The following SSH1 variants were observed in gnomAD, a reference collection of about 807,000 sequenced individuals.
SSH1 encodes the protein slingshot protein phosphatase 1, also known as protein phosphatase Slingshot homolog 1.
A neutral mutation model predicts 79.7 loss-of-function variants in SSH1; 43 were observed. The observed-to-expected ratio is 0.54, with a 90% CI of 0.42 to 0.70. The LOEUF is 0.70. Among genes scored for constraint, SSH1 ranks in the 30% least tolerant of loss-of-function variants. The pLI, the probability that SSH1 is intolerant of heterozygous loss-of-function variation, is 0.00. For missense variants in SSH1, 1,206 were observed against 1,358.8 expected (o/e 0.89, Z 1.77); for synonymous variants, 599 against 538.3 (o/e 1.11, Z -1.56).
intron 2 of SSH1, among the ~76,000 whole-genome samples, chr12:108,829,660 T>C (rs1472530182): frequency 6.6e-6 from 1 of 152,178 alleles, no homozygotes; most frequent in Non-Finnish European, 1.5e-5. Flanking sequence ...CATCACAGTA[T>C]GGAATATCCA....
rs770005190 is a variant in SSH1 at position 108,788,137 on chromosome 12, C to T, written c.3001G>A (p.Val1001Ile). The T allele has an allele frequency of 6.2e-6, 10 of 1,613,880 alleles. No individual in the cohort carries two copies. The highest frequency in any genetic ancestry group is 2.2e-5 in the East Asian group (1 of 44,878). ...AAAGTGGTGTCCTGGGAGTCAGCGA[C>T]GGTGGACGGGTCAGCCTCACTGGAC... Reference protein sequence around the residue: ...DLSSEADPSTVADSQDTTLSE... With the variant: ...DLSSEADPSTIADSQDTTLSE... Residue 1001 changes from valine to isoleucine, a missense_variant, in exon 15 of 15, where the codon GTC (valine) becomes ATC (isoleucine). Physicochemically the swap from Val to Ile is conservative, Grantham distance 29. Coordinates refer to ENST00000326495, the MANE Select transcript of SSH1 (RefSeq NM_018984.4).
chr12:108,810,006 C>T (rs1310201145), intron 6 of SSH1, among the ~76,000 whole-genome samples: 2 of 152,134 alleles, frequency 1.3e-5, no homozygotes, highest in Non-Finnish European at 2.9e-5. Context: ...AACTGAAACC[C>T]TAGCAAAGGG....
chr12:108,809,547 A>G (rs1039377473), intron 7 of SSH1, 146 bp downstream of exon 7: 6 of 749,508 alleles, frequency 8.0e-6, no homozygotes, highest in African/African-American at 1.7e-5. Flanking sequence ...TATGGTGAAA[A>G]TGATAAACTT....
At chr12:108,816,989 C>T in intron 5 of SSH1, 49 bp downstream of exon 5, 2 of 1,611,228 alleles carry the variant, frequency 1.2e-6, no homozygotes, top group Non-Finnish European at 1.7e-6. Flanking sequence ...TGTCCAGCAG[C>T]AACTCTTGCC....
rs762256257 is a variant in SSH1, at chr12:108,788,356, T to C, written c.2782A>G (p.Met928Val). The C allele has an allele frequency of 1.2e-6, 2 of 1,613,066 alleles. No homozygotes were observed. The highest frequency in any genetic ancestry group is 1.7e-6 in the Non-Finnish European group (2 of 1,179,948). Residue 928 changes from methionine to valine, a missense_variant, in exon 15 of 15, where the codon ATG becomes GTG. By Grantham distance (21) the Met-to-Val change is conservative. Coordinates refer to ENST00000326495, the MANE Select transcript of SSH1 (RefSeq NM_018984.4). ...GAGCTCCGGGTCAGGTTGGAGCTCATGGAAGAGGAGGTGGGGGTGTAGCAG... is the reference window on the plus strand; with the variant it reads ...GAGCTCCGGGTCAGGTTGGAGCTCACGGAAGAGGAGGTGGGGGTGTAGCAG... ...TICYTPTSSS[M>V]SSNLTRSSSS...
Position 108,807,391 on chromosome 12 carries a change from G to A in SSH1, c.731+242C>T, listed in dbSNP as rs1388966650. Among the ~76,000 whole-genome samples, 20 of 151,376 alleles carry A rather than the reference G, an allele frequency of 1.3e-4. No individual in the cohort carries two copies. Among genetic ancestry groups the A allele is most frequent in the Non-Finnish European group, 5.9e-5 (4 of 67,924 alleles). ...ATGGGAGTTACGGACCCCGTCCCCA[G>A]AAATGCATTCACCAAATTCATCAGT... On this transcript the variant is annotated intron_variant, in intron 8 of 14. Coordinates refer to ENST00000326495, the MANE Select transcript of SSH1 (RefSeq NM_018984.4). The surrounding 1 kb of genome is among the most constrained non-coding windows in gnomAD (Gnocchi z 5.2).
At chr12:108,793,092 G>A (rs909526509) in intron 13 of SSH1, among the ~76,000 whole-genome samples, 4 of 152,220 alleles carry the variant, frequency 2.6e-5, no homozygotes, top group Non-Finnish European at 4.4e-5. Flanking sequence ...GGGAAGGAAC[G>A]CGGGGGCGTC....
intron 2 of SSH1, among the ~76,000 whole-genome samples, chr12:108,830,083 GGAGACA>G (rs1418571263): frequency 6.6e-6 from 1 of 152,112 alleles, no homozygotes; most frequent in Non-Finnish European, 1.5e-5. Context: ...CTCCAACCTG[GGAGACA>G]GATCTTGTCT....
At chr12:108,810,766 T>C (rs2037544188) in intron 6 of SSH1, among the ~76,000 whole-genome samples, 2 of 152,204 alleles carry the variant, frequency 1.3e-5, no homozygotes, top group Non-Finnish European at 2.9e-5. Context: ...AGACGGCCCC[T>C]CATCCCCCGA....
chr12:108,846,098 CA>C (rs754183278), intron 2 of SSH1, among the ~76,000 whole-genome samples: 4 of 152,002 alleles, frequency 2.6e-5, no homozygotes, highest in Non-Finnish European at 5.9e-5. Flanking sequence ...AAGTGGAGAC[CA>C]AAAGGGGAAG....
chr12:108,811,328 ACT>A lies in SSH1; in HGVS notation c.402-2_402-1del. 1.2e-6 allele frequency: 2 copies of A among 1,614,150 alleles called. No homozygotes were observed. Among genetic ancestry groups the A allele is most frequent in the Non-Finnish European group, 1.7e-6 (2 of 1,180,000 alleles). ...GAACCATCCCAATGGTGCAGCTTTTACTGCGATGGGGGAGAGAAGACATGTGG... is the reference window on the plus strand; with the variant it reads ...GAACCATCCCAATGGTGCAGCTTTTAGCGATGGGGGAGAGAAGACATGTGG... On this transcript the variant is annotated splice_acceptor_variant, in intron 5 of 14. Coordinates refer to ENST00000326495, the MANE Select transcript of SSH1 (RefSeq NM_018984.4). LOFTEE classifies it high-confidence loss of function.
chr12:108,853,151 T>C (rs1593139647), intron 1 of SSH1: 4 of 985,306 alleles, frequency 4.1e-6, no homozygotes, highest in Middle Eastern at 1.0e-3. Flanking sequence ...CAGTGGAAGG[T>C]GGCCAGGAAT....
intron 8 of SSH1, 145 bp from the exon 9 acceptor site, chr12:108,806,539 CA>C: frequency 1.3e-6 from 1 of 761,350 alleles, no homozygotes; most frequent in South Asian, 1.4e-5. Context: ...TCTCAGGCAG[CA>C]GGGAGAGGTG....
Position 108,807,652 on chromosome 12 carries a change from G to C in SSH1, c.712C>G (p.Pro238Ala), listed in dbSNP as rs1434531993. The C allele has an allele frequency of 1.2e-6, 2 of 1,613,014 alleles. No individual in the cohort carries two copies. The highest frequency in any genetic ancestry group is 1.7e-6 in the Non-Finnish European group (2 of 1,179,388). ...ACTTACTTGTCCACAAATAGCGCGGGGGAGTCGGGCCGCGTAGACTCCAGG... is the reference window on the plus strand; with the variant it reads ...ACTTACTTGTCCACAAATAGCGCGGCGGAGTCGGGCCGCGTAGACTCCAGG... ...QDLESTRPDS[P>A]ALFVDKPTEG... Residue 238 changes from proline (P) to alanine (A), a missense_variant, in exon 8 of 15, where the codon CCC (proline) becomes GCC (alanine). Around this residue, in one of 5 missense-constraint regions of SSH1, gnomAD observed 116 missense variants for 109.0 expected, o/e 1.06. Transcript: ENST00000326495. This position sits in a 1 kb window ranked among gnomAD's most constrained non-coding sequence, Gnocchi z 5.2.
rs1008471997 is a variant in SSH1 at position 108,810,528 on chromosome 12, G to A, written c.470+732C>T. 1.7e-4 allele frequency among the ~76,000 whole-genome samples: 25 copies of A among 150,868 alleles called. No individual in the cohort carries two copies. The South Asian group carries it at 1.9e-3, about 11-fold the overall frequency. ...CAGAGTGAGACTCCGTTGAAAAAAAGAGAAAAAAAAATTAATACAAAGATA... is the reference window on the plus strand; with the variant it reads ...CAGAGTGAGACTCCGTTGAAAAAAAAAGAAAAAAAAATTAATACAAAGATA... On this transcript the variant is annotated intron_variant, in intron 6 of 14. Transcript: ENST00000326495.
At chr12:108,818,765 C>G (rs956751199) in intron 3 of SSH1, among the ~76,000 whole-genome samples, 3 of 151,994 alleles carry the variant, frequency 2.0e-5, no homozygotes, top group African/African-American at 4.8e-5. Flanking sequence ...CAAACAACTT[C>G]TTCTTCTATA....
chr12:108,809,622 G>A (rs376119890), intron 7 of SSH1, 71 bp downstream of exon 7: 2 of 1,305,972 alleles, frequency 1.5e-6, no homozygotes, highest in Non-Finnish European at 2.2e-6. Flanking sequence ...TGGTAGAAGG[G>A]GTTTTTCTAT....
chr12:108,799,563 T>C (rs1405072792), intron 12 of SSH1, among the ~76,000 whole-genome samples: 2 of 152,180 alleles, frequency 1.3e-5, no homozygotes. Flanking sequence ...AGCCCTTTCC[T>C]GAGACGAGAG....
rs2036156209 is a variant in SSH1 at position 108,782,341 on chromosome 12, C to A, written c.*5647G>T. On this transcript the variant is annotated 3_prime_UTR_variant, in exon 15 of 15. Transcript: ENST00000326495. ...CAGGTTAGATGTTCTTTAGTGCACA[C>A]CTCTGGCTTTACATTTCCTACTTGT... 1 of 151,900 alleles carries A rather than the reference C, an allele frequency of 6.6e-6. No homozygotes were observed. The highest frequency in any genetic ancestry group is 1.5e-5 in the Non-Finnish European group (1 of 67,984). The allele number at this position is 151,900 out of a possible 1,614,324, so 9.4% of individuals were successfully genotyped here. A position where few individuals can be genotyped will look rare whatever the true frequency, so the allele number is the denominator to read the frequency against.
Sources: gnomAD v4.1 joint callset for allele counts (sites outside exome capture counted in the v4.1 genomes callset) on GRCh38, gnomAD v4.1.1 for gene constraint, gnomAD v4.1.1 regional missense constraint, Gnocchi (gnomAD v3.1) non-coding constraint, MANE v1.5 for transcripts, NCBI Gene and HGNC (gene_info 2026-07-23, HGNC 2026-07-21) for gene names.